Variants in TMEM38A observed in about 807,000 individuals in gnomAD.
The protein encoded by TMEM38A is trimeric intracellular cation channel type A.
A neutral mutation model predicts 28.6 loss-of-function variants in TMEM38A; 17 were observed. That is an observed-to-expected ratio of 0.60 (90% CI 0.41 to 0.89). TMEM38A has a LOEUF of 0.89. TMEM38A is among the 40% of genes least tolerant of loss of function. TMEM38A has a pLI of 0.00. For synonymous variants in TMEM38A, 169 were observed against 166.1 expected, an observed-to-expected ratio of 1.02 and a Z score of -0.14; for missense variants, 328 against 393.1, an observed-to-expected ratio of 0.83 and a Z score of 1.40.
chr19:16,675,694 G>A (rs955647680), intron 1 of TMEM38A, among the ~76,000 whole-genome samples: 11 of 151,624 alleles, frequency 7.3e-5, no homozygotes, highest in Non-Finnish European at 1.2e-4. Context: ...GACTACAGGC[G>A]CCTCCCGCAA....
chr19:16,683,482 A>G (rs962083573), intron 4 of TMEM38A, among the ~76,000 whole-genome samples: 1 of 151,306 alleles, frequency 6.6e-6, no homozygotes, highest in South Asian at 2.1e-4. Context: ...GGTCCCAGCT[A>G]CTCAGGAGGC....
At chr19:16,666,090 C>T (rs2086701955) in intron 1 of TMEM38A, among the ~76,000 whole-genome samples, 1 of 152,090 alleles carries the variant, frequency 6.6e-6, no homozygotes, top group African/African-American at 2.4e-5. Context: ...AAGCGATTCT[C>T]CTGCCTCAGC....
intron 1 of TMEM38A, among the ~76,000 whole-genome samples, chr19:16,677,493 C>T (rs1205114549): frequency 6.6e-6 from 1 of 152,070 alleles, no homozygotes; most frequent in African/African-American, 2.4e-5. Flanking sequence ...TGCCACCATG[C>T]CCAGCTAATT....
intron 3 of TMEM38A, among the ~76,000 whole-genome samples, chr19:16,682,191 C>T (rs2086784699): frequency 6.6e-6 from 1 of 152,056 alleles, no homozygotes; most frequent in Non-Finnish European, 1.5e-5. Context: ...GGGGACATGA[C>T]TGATTCCTTT....
intron 1 of TMEM38A, among the ~76,000 whole-genome samples, chr19:16,677,582 CCCTCT>C (rs147594259): frequency 0.015 from 2,280 of 151,340 alleles, 51 homozygotes; most frequent in African/African-American, 0.053. Context: ...CCTTCCCCTC[CCCTCT>C]CAACAGGGTC....
chr19:16,666,869 C>T (rs2122576334), intron 1 of TMEM38A, among the ~76,000 whole-genome samples: 1 of 151,464 alleles, frequency 6.6e-6, no homozygotes, highest in Non-Finnish European at 1.5e-5. Context: ...AGGAGAATCG[C>T]TTGAAACCAG....
chr19:16,682,008 G>A (rs73518939), intron 3 of TMEM38A, among the ~76,000 whole-genome samples: 11,956 of 152,120 alleles, frequency 0.079, 1,387 homozygotes, highest in African/African-American at 0.26. Flanking sequence ...TTCCCCAGGG[G>A]TATAGCATCT....
rs544419508 is a variant in TMEM38A at position 16,689,261 on chromosome 19, C to G, written c.*890C>G. The G allele has an allele frequency of 2.6e-5, 4 of 152,364 alleles. No homozygotes were observed. Among genetic ancestry groups the G allele is most frequent in the East Asian group, 3.9e-4 (2 of 5,192 alleles). 9.4% of individuals were successfully genotyped at this position (152,364 alleles called of 1,614,324 possible). ...CTGTATAGTGGAGACCCTTGGCCCC[C>G]CTCTGTACGGAAGGGCCGATGCGAA... On this transcript the variant is annotated 3_prime_UTR_variant, in exon 6 of 6. Transcript: ENST00000187762.
intron 1 of TMEM38A, among the ~76,000 whole-genome samples, chr19:16,672,876 G>A (rs555979969): frequency 1.1e-4 from 17 of 152,184 alleles, no homozygotes; most frequent in African/African-American, 2.6e-4. Flanking sequence ...GATAAATTTG[G>A]CAATATCTGG....
chr19:16,667,714 C>G (rs190295536), intron 1 of TMEM38A, among the ~76,000 whole-genome samples: 2 of 151,948 alleles, frequency 1.3e-5, no homozygotes, highest in Non-Finnish European at 2.9e-5. Context: ...CAAAAATTAG[C>G]CACGCATGGT....
At chr19:16,666,509 G>T (rs920637459) in intron 1 of TMEM38A, among the ~76,000 whole-genome samples, 2 of 151,984 alleles carry the variant, frequency 1.3e-5, no homozygotes, top group African/African-American at 4.8e-5. Flanking sequence ...GCTCACTGTG[G>T]CCTCCAACTC....
rs1188535644 is a variant in TMEM38A at position 16,684,088 on chromosome 19, C to T, written c.554+1580C>T. 2.6e-5 allele frequency among the ~76,000 whole-genome samples: 4 copies of T among 151,550 alleles called. No homozygotes were observed. In the South Asian group the frequency reaches 6.2e-4, roughly 24 times the overall value. Reference sequence around the variant, plus strand: ...GAGGTTGCTGTGATCCGAGATCCTGCCACTGCACTTCAGCCTGGGCAATAG... The same window carrying T: ...GAGGTTGCTGTGATCCGAGATCCTGTCACTGCACTTCAGCCTGGGCAATAG... On this transcript the variant is annotated intron_variant, in intron 4 of 5. Transcript: ENST00000187762.
intron 1 of TMEM38A, 85 bp from the exon 2 acceptor site, chr19:16,679,899 T>A: frequency 7.0e-7 from 1 of 1,430,014 alleles, no homozygotes; most frequent in Non-Finnish European, 9.3e-7. Context: ...GCGCTCTGGA[T>A]TAGGATAGGC....
chr19:16,667,850 A>G (rs533471002), intron 1 of TMEM38A, among the ~76,000 whole-genome samples: 197 of 145,964 alleles, frequency 1.3e-3, no homozygotes, highest in African/African-American at 4.8e-3. Context: ...ACAGAGCAAG[A>G]CTCCGTCTCA....
Position 16,689,338 on chromosome 19 carries a change from G to A in TMEM38A, c.*967G>A, listed in dbSNP as rs1288680245. 3 of 152,288 alleles carry A rather than the reference G, an allele frequency of 2.0e-5. No individual in the cohort carries two copies. The highest frequency in any genetic ancestry group is 2.9e-5 in the Non-Finnish European group (2 of 68,088). The allele number at this position is 152,288 out of a possible 1,614,324, so 9.4% of individuals were successfully genotyped here. ...TCCTAGCCTCGTGCAGTCAGGAGGGGAGACCAGGACAGTTGGAAATTATGA... is the reference window on the plus strand; with the variant it reads ...TCCTAGCCTCGTGCAGTCAGGAGGGAAGACCAGGACAGTTGGAAATTATGA... On this transcript the variant is annotated 3_prime_UTR_variant, in exon 6 of 6. Coordinates refer to ENST00000187762, the MANE Select transcript of TMEM38A (RefSeq NM_024074.4).
chr19:16,686,446 T>G, intron 5 of TMEM38A, 41 bp downstream of exon 5: 2 of 1,490,394 alleles, frequency 1.3e-6, no homozygotes, highest in Non-Finnish European at 1.9e-6. Flanking sequence ...CCTTGACCAA[T>G]GCCACCCTGC....
At position 16,661,635 on chromosome 19, in the gene TMEM38A, T is replaced by G. The variant is rs1283323820; in HGVS notation, c.124+294T>G. ...TCGGGGCTCCTGGTTGGGTCAGAGCTGCAGGAACTTGGGCAAGGGGCGCCG... is the reference window on the plus strand; with the variant it reads ...TCGGGGCTCCTGGTTGGGTCAGAGCGGCAGGAACTTGGGCAAGGGGCGCCG... On this transcript the variant is annotated intron_variant, in intron 1 of 5. Transcript: ENST00000187762. This position sits in a 1 kb window ranked among gnomAD's most constrained non-coding sequence, Gnocchi z 6.5. 6.6e-6 allele frequency among the ~76,000 whole-genome samples: 1 copy of G among 151,746 alleles called. No individual in the cohort carries two copies. Among genetic ancestry groups the G allele is most frequent in the African/African-American group, 2.4e-5 (1 of 41,270 alleles).
intron 1 of TMEM38A, among the ~76,000 whole-genome samples, chr19:16,670,679 C>T (rs2086723473): frequency 6.6e-6 from 1 of 152,152 alleles, no homozygotes; most frequent in East Asian, 1.9e-4. Context: ...GGGCTCATGC[C>T]TGTAATCCCA....
chr19:16,677,272 T>C (rs1473967760), intron 1 of TMEM38A, among the ~76,000 whole-genome samples: 5 of 152,172 alleles, frequency 3.3e-5, no homozygotes, highest in African/African-American at 1.2e-4. Context: ...TATGTAATGA[T>C]AGTGCATTAT....
Sources: allele counts gnomAD v4.1 joint callset (sites outside exome capture counted in the v4.1 genomes callset), GRCh38; gene constraint gnomAD v4.1.1; non-coding constraint Gnocchi (gnomAD v3.1); transcripts MANE v1.5; gene names NCBI Gene and HGNC (gene_info 2026-07-23, HGNC 2026-07-21).